CCDC91: variants seen among roughly 807,000 people sequenced by gnomAD.
The protein encoded by CCDC91 is coiled-coil domain-containing protein 91.
In CCDC91, 48 loss-of-function variants were observed where a neutral mutation model predicts 63.2. The observed-to-expected ratio is 0.76, with a 90% confidence interval of 0.60 to 0.97. The LOEUF (loss-of-function observed/expected upper bound fraction) is 0.97, where lower values mean the gene tolerates loss of function less well. CCDC91 is among the 50% of genes least tolerant of loss of function. CCDC91 has a pLI of 0.00. For missense variants in CCDC91, 500 were observed against 494.6 expected, an observed-to-expected ratio of 1.01 and a Z score of -0.10; for synonymous variants, 167 against 165.8, an observed-to-expected ratio of 1.01 and a Z score of -0.06.
chr12:28,223,341 A>T (rs1004377800), intron 1 of CCDC91, among the ~76,000 whole-genome samples: 4 of 152,100 alleles, frequency 2.6e-5, no homozygotes, highest in Admixed American at 1.3e-4. Context: ...CTGTTAACAT[A>T]TCTAGTACCT....
chr12:28,457,277 G>A (rs1950097994), intron 11 of CCDC91, among the ~76,000 whole-genome samples: 1 of 151,804 alleles, frequency 6.6e-6, no homozygotes, highest in Non-Finnish European at 1.5e-5. Flanking sequence ...TCTCTCCAGG[G>A]ACCTACAAAC....
chr12:28,538,080 A>T (rs1942317802), intron 12 of CCDC91, among the ~76,000 whole-genome samples: 5 of 142,548 alleles, frequency 3.5e-5, no homozygotes, highest in East Asian at 2.1e-4. Context: ...TTTTCTTTTT[A>T]GGGGTTTTTT....
intron 1 of CCDC91, among the ~76,000 whole-genome samples, chr12:28,210,767 A>G (rs1943178680): frequency 6.6e-6 from 1 of 152,018 alleles, no homozygotes; most frequent in Admixed American, 6.6e-5. Context: ...GATAATTAAA[A>G]AATGGTAAAG....
chr12:28,478,060 C>G (rs958016727), intron 11 of CCDC91, among the ~76,000 whole-genome samples: 5 of 152,090 alleles, frequency 3.3e-5, no homozygotes, highest in African/African-American at 4.8e-5. Flanking sequence ...AGATTCAATG[C>G]CATCTCCATC....
intron 6 of CCDC91, among the ~76,000 whole-genome samples, chr12:28,314,857 C>CCT (rs1939681041): frequency 6.6e-6 from 1 of 151,830 alleles, no homozygotes; most frequent in Non-Finnish European, 1.5e-5. Context: ...TCTTCATAGG[C>CCT]CTTATAAAAT....
At chr12:28,367,682 A>G (rs1355777549) in intron 7 of CCDC91, among the ~76,000 whole-genome samples, 1 of 152,220 alleles carries the variant, frequency 6.6e-6, no homozygotes, top group Admixed American at 6.5e-5. Flanking sequence ...AACAAAATGC[A>G]TGTCAGCACC....
chr12:28,549,692 T>C lies in CCDC91; in HGVS notation c.*519T>C, dbSNP rs1300718594. ...CGGCATTACCTAACCTCTTCTGCAG[T>C]TGGATCTATGTATTTTCATTGGTCT... is the stretch of plus-strand genomic sequence containing the variant. On this transcript the variant is annotated 3_prime_UTR_variant, in exon 13 of 13. Coordinates refer to ENST00000536442, the MANE Select transcript of CCDC91 (RefSeq NM_018318.5). 6.6e-6 allele frequency: 1 copy of C among 152,144 alleles called. No homozygotes were observed. The highest frequency in any genetic ancestry group is 1.5e-5 in the Non-Finnish European group (1 of 68,014). 9.4% of individuals were successfully genotyped at this position (152,144 alleles called of 1,614,324 possible). A position where few individuals can be genotyped will look rare whatever the true frequency, so the allele number is the denominator to read the frequency against.
intron 7 of CCDC91, among the ~76,000 whole-genome samples, chr12:28,389,775 A>T (rs1434326817): frequency 6.6e-6 from 1 of 151,992 alleles, no homozygotes; most frequent in Non-Finnish European, 1.5e-5. Context: ...ATAGAATGAC[A>T]TTTTTTTCTC....
intron 3 of CCDC91, among the ~76,000 whole-genome samples, chr12:28,261,218 T>C (rs1243818731): frequency 1.3e-5 from 2 of 151,992 alleles, no homozygotes; most frequent in Non-Finnish European, 2.9e-5. Context: ...AATGAATTAA[T>C]GTTAGACATG....
intron 6 of CCDC91, among the ~76,000 whole-genome samples, chr12:28,356,377 C>T (rs1943527940): frequency 6.6e-6 from 1 of 152,000 alleles, no homozygotes; most frequent in Non-Finnish European, 1.5e-5. Flanking sequence ...ATAATCTTAT[C>T]TTTTTTTGCA....
intron 8 of CCDC91, among the ~76,000 whole-genome samples, chr12:28,395,061 C>T (rs1455487328): frequency 1.3e-5 from 2 of 152,128 alleles, no homozygotes; most frequent in African/African-American, 4.8e-5. Flanking sequence ...GGCTGGGATT[C>T]AGGTTTTCTA....
chr12:28,344,344 T>G (rs1472815133), intron 6 of CCDC91, among the ~76,000 whole-genome samples: 4 of 152,130 alleles, frequency 2.6e-5, no homozygotes. Flanking sequence ...TCATCATCAT[T>G]AAACTCCAAT....
intron 8 of CCDC91, among the ~76,000 whole-genome samples, chr12:28,441,749 C>T (rs1949235788): frequency 6.7e-6 from 1 of 148,830 alleles, no homozygotes; most frequent in South Asian, 2.1e-4. Context: ...ATATATATCT[C>T]ATATATATAT....
intron 6 of CCDC91, among the ~76,000 whole-genome samples, chr12:28,309,926 G>C (rs1343370865): frequency 1.3e-5 from 2 of 151,714 alleles, no homozygotes; most frequent in African/African-American, 4.8e-5. Flanking sequence ...ATTCCTACCT[G>C]TTATTTTATT....
intron 3 of CCDC91, among the ~76,000 whole-genome samples, chr12:28,303,473 A>T (rs993272655): frequency 1.3e-5 from 2 of 152,108 alleles, no homozygotes; most frequent in African/African-American, 4.8e-5. Flanking sequence ...TTAATGTTAC[A>T]GGATGAGAAT....
chr12:28,372,505 AAAATT>A lies in CCDC91; in HGVS notation c.654+9991_654+9995del, dbSNP rs201229913. Among the ~76,000 whole-genome samples, 1,018 of 151,940 alleles carry A rather than the reference AAAATT, an allele frequency of 6.7e-3. 14 individuals are homozygous for A. The highest frequency in any genetic ancestry group is 0.023 in the African/African-American group (941 of 41,476). ...GTTTGTGTCATTAATGCTTTTTTTT[AAAATT>A]TTTTAGCAGTGTTTTGTAGTTCTCC... On this transcript the variant is annotated intron_variant, in intron 7 of 12. Transcript: ENST00000536442.
At chr12:28,446,167 G>A (rs1440107160) in intron 8 of CCDC91, among the ~76,000 whole-genome samples, 1 of 152,116 alleles carries the variant, frequency 6.6e-6, no homozygotes. Context: ...TTGGCTCATA[G>A]CACCACTTAA....
intron 6 of CCDC91, among the ~76,000 whole-genome samples, chr12:28,353,474 G>A (rs1943316749): frequency 6.6e-6 from 1 of 152,108 alleles, no homozygotes; most frequent in African/African-American, 2.4e-5. Context: ...TCCTCACTAA[G>A]GTTAATTATT....
At position 28,257,066 on chromosome 12, in the gene CCDC91, C is replaced by A. The variant is rs529627588; in HGVS notation, c.-14-136C>A. 9.1e-5 allele frequency: 48 copies of A among 526,032 alleles called. No homozygotes were observed. The East Asian group carries it at 1.4e-3, about 15-fold the overall frequency. 32.6% of individuals were successfully genotyped at this position (526,032 alleles called of 1,614,324 possible). On this transcript the variant is annotated intron_variant, in intron 1 of 12. Transcript: ENST00000536442. ...AAAAAGTAAAAGCCAATTGCAAATT[C>A]TTTTTTGCATAAAAAATGCATAGAC...
Sources: gnomAD v4.1 joint callset for allele counts (sites outside exome capture counted in the v4.1 genomes callset) on GRCh38, gnomAD v4.1.1 for gene constraint, MANE v1.5 for transcripts, NCBI Gene and HGNC (gene_info 2026-07-23, HGNC 2026-07-21) for gene names.